PPP2CB: variants seen among roughly 807,000 people sequenced by gnomAD.
PPP2CB encodes serine/threonine-protein phosphatase 2A catalytic subunit beta isoform.
A neutral mutation model predicts 39.1 loss-of-function variants in PPP2CB; 18 were observed. The ratio of observed to expected loss-of-function variants is 0.46; its 90% CI spans 0.32 to 0.68. The LOEUF (loss-of-function observed/expected upper bound fraction) is 0.68, where lower values mean the gene tolerates loss of function less well. PPP2CB is among the 30% of genes least tolerant of loss of function. PPP2CB has a pLI of 0.04. For missense variants in PPP2CB, 226 were observed against 396.9 expected (o/e 0.57, Z 3.66); for synonymous variants, 129 against 133.8 (o/e 0.96, Z 0.25).
chr8:30,792,487 A>T (rs1467375831), intron 5 of PPP2CB, among the ~76,000 whole-genome samples: 1 of 152,048 alleles, frequency 6.6e-6, no homozygotes, highest in African/African-American at 2.4e-5. Flanking sequence ...CCTTTTGCCC[A>T]GGCTGGAGTG....
At chr8:30,812,224 C>G (rs1220284011) in intron 1 of PPP2CB, 96 bp downstream of exon 1, 6 of 910,276 alleles carry the variant, frequency 6.6e-6, no homozygotes, top group Non-Finnish European at 8.4e-6. Flanking sequence ...CCCGGTGGGC[C>G]GCGCCGGGCC....
chr8:30,789,151 C>G (rs1308189468), intron 6 of PPP2CB, among the ~76,000 whole-genome samples: 1 of 152,042 alleles, frequency 6.6e-6, no homozygotes, highest in Non-Finnish European at 1.5e-5. Context: ...CTGCCTCAGC[C>G]TCCTGAGTAG....
In PPP2CB at chr8:30,812,748, G is replaced by A. The variant is rs1364866049; in HGVS notation, c.-327C>T. ...CTCGGCCTAGCTCTCGCCGGACGAAGGCCGCCCGCTGCCGCTTCAGGCCCG... is the reference window on the plus strand; with the variant it reads ...CTCGGCCTAGCTCTCGCCGGACGAAAGCCGCCCGCTGCCGCTTCAGGCCCG... On this transcript the variant is annotated 5_prime_UTR_variant, in exon 1 of 7. Coordinates refer to ENST00000221138, the MANE Select transcript of PPP2CB (RefSeq NM_001009552.2). 1 of 473,530 alleles carries A rather than the reference G, an allele frequency of 2.1e-6. No homozygotes were observed. The highest frequency in any genetic ancestry group is 6.7e-5 in the East Asian group (1 of 15,006). The allele number at this position is 473,530 out of a possible 1,614,324, so 29.3% of individuals were successfully genotyped here.
Position 30,785,966 on chromosome 8 carries a change from G to T in PPP2CB, c.*269C>A, listed in dbSNP as rs532580927. The T allele has an allele frequency of 1.7e-6, 1 of 586,076 alleles. No homozygotes were observed. The highest frequency in any genetic ancestry group is 3.8e-5 in the East Asian group (1 of 26,374). The allele number at this position is 586,076 out of a possible 1,614,324, so 36.3% of individuals were successfully genotyped here. Reference sequence around the variant, plus strand: ...AAGCAGTTAGTTACCTTTTTTGCTTGAACAGTCCAAAGGAAAATGGTTACT... The same window carrying T: ...AAGCAGTTAGTTACCTTTTTTGCTTTAACAGTCCAAAGGAAAATGGTTACT... On this transcript the variant is annotated 3_prime_UTR_variant, in exon 7 of 7. Coordinates refer to ENST00000221138, the MANE Select transcript of PPP2CB (RefSeq NM_001009552.2).
chr8:30,794,633 T>G (rs1806489961), intron 3 of PPP2CB: 1 of 253,346 alleles, frequency 3.9e-6, no homozygotes, highest in South Asian at 4.9e-5. Flanking sequence ...GCTGTGCTGC[T>G]GAGGATGGAG....
At chr8:30,810,419 C>A (rs1251179495) in intron 1 of PPP2CB, 5 of 152,242 alleles carry the variant, frequency 3.3e-5, no homozygotes, top group African/African-American at 9.6e-5. Flanking sequence ...CCACTGCGCT[C>A]CAGTCTGGGC....
chr8:30,786,661 AC>A (rs1806346953), intron 6 of PPP2CB, among the ~76,000 whole-genome samples: 2 of 137,548 alleles, frequency 1.5e-5, no homozygotes, highest in African/African-American at 5.4e-5. Context: ...TAATAATATC[AC>A]TTTTTTTTTT....
At chr8:30,811,730 G>T (rs1029217614) in intron 1 of PPP2CB, among the ~76,000 whole-genome samples, 2 of 152,010 alleles carry the variant, frequency 1.3e-5, no homozygotes, top group Non-Finnish European at 2.9e-5. Flanking sequence ...TCTAACTCCT[G>T]GGCTCAAGCA....
intron 5 of PPP2CB, among the ~76,000 whole-genome samples, chr8:30,791,976 GTGTATAT>G (rs1412969733): frequency 2.9e-5 from 4 of 137,438 alleles, no homozygotes; most frequent in South Asian, 2.3e-4. Flanking sequence ...GTGTGTATAT[GTGTATAT>G]ATACGTGTGC....
intron 3 of PPP2CB, among the ~76,000 whole-genome samples, chr8:30,794,979 G>C (rs1215340798): frequency 6.6e-6 from 1 of 152,056 alleles, no homozygotes; most frequent in Non-Finnish European, 1.5e-5. Context: ...CATTGGCCAG[G>C]ACTTCTAAAA....
At chr8:30,793,772 C>T (rs1806477433) in intron 5 of PPP2CB, 145 bp downstream of exon 5, 2 of 891,618 alleles carry the variant, frequency 2.2e-6, no homozygotes, top group African/African-American at 3.4e-5. Flanking sequence ...CTAGTGCTTT[C>T]CCTACTTGCT....
chr8:30,807,140 C>G (rs4733200), intron 1 of PPP2CB, among the ~76,000 whole-genome samples: 63,214 of 151,986 alleles, frequency 0.42, 17,313 homozygotes, highest in African/African-American at 0.78. Flanking sequence ...CTTCATTATA[C>G]TAAGAAAGGA....
intron 6 of PPP2CB, among the ~76,000 whole-genome samples, chr8:30,788,551 T>G (rs1806380926): frequency 6.6e-6 from 1 of 152,254 alleles, no homozygotes; most frequent in Admixed American, 6.5e-5. Flanking sequence ...CATCCAGCCA[T>G]GTTAATGATT....
At chr8:30,788,471 C>G (rs1321568969) in intron 6 of PPP2CB, among the ~76,000 whole-genome samples, 1 of 152,120 alleles carries the variant, frequency 6.6e-6, no homozygotes, top group Non-Finnish European at 1.5e-5. Flanking sequence ...CCTATGTTGC[C>G]CAGGCTGGCC....
chr8:30,793,843 T>C, intron 5 of PPP2CB, 74 bp downstream of exon 5: 1 of 1,422,844 alleles, frequency 7.0e-7, no homozygotes, highest in Non-Finnish European at 9.3e-7. Context: ...TGTTTCTTAG[T>C]TAAGTCATAA....
At position 30,794,286 on chromosome 8, in the gene PPP2CB, G is replaced by A; in HGVS notation, c.487-5C>T. The A allele has an allele frequency of 1.3e-6, 2 of 1,598,300 alleles. No individual in the cohort carries two copies. Among genetic ancestry groups the A allele is most frequent in the Non-Finnish European group, 1.7e-6 (2 of 1,166,174 alleles). ...GCCACCATGGAGGCAGAATATCTAT[G>A]TATGAATTAACAAAAGAGAATGTAT... On this transcript the variant is annotated splice_region_variant and splice_polypyrimidine_tract_variant and intron_variant, in intron 3 of 6. Transcript: ENST00000221138.
chr8:30,796,775 T>A (rs367626798), intron 3 of PPP2CB, among the ~76,000 whole-genome samples: 2 of 152,262 alleles, frequency 1.3e-5, no homozygotes, highest in Admixed American at 6.5e-5. Context: ...AATTTCTTCT[T>A]ATACTTTTGA....
rs1806484372 is a variant in PPP2CB at position 30,794,292 on chromosome 8, A to G, written c.487-11T>C. 1 of 1,592,122 alleles carries G rather than the reference A, an allele frequency of 6.3e-7. No homozygotes were observed. Among genetic ancestry groups the G allele is most frequent in the African/African-American group, 1.3e-5 (1 of 74,516 alleles). ...ATGGAGGCAGAATATCTATGTATGA[A>G]TTAACAAAAGAGAATGTATTTGTTT... On this transcript the variant is annotated splice_polypyrimidine_tract_variant and intron_variant, in intron 3 of 6. Coordinates refer to ENST00000221138, the MANE Select transcript of PPP2CB (RefSeq NM_001009552.2).
chr8:30,788,247 ATCT>A (rs1299527718), intron 6 of PPP2CB, among the ~76,000 whole-genome samples: 10 of 150,376 alleles, frequency 6.7e-5, no homozygotes, highest in East Asian at 1.9e-4. Flanking sequence ...CTGATTTCAA[ATCT>A]TCTTGTTTTT....
Sources: gnomAD v4.1 joint callset for allele counts (sites outside exome capture counted in the v4.1 genomes callset) on GRCh38, gnomAD v4.1.1 for gene constraint, MANE v1.5 for transcripts, NCBI Gene and HGNC (gene_info 2026-07-23, HGNC 2026-07-21) for gene names.